SHTN1: variants seen among roughly 807,000 people sequenced by gnomAD.
SHTN1 encodes shootin-1.
In SHTN1, 42 loss-of-function variants were observed where a neutral mutation model predicts 83.1. The observed-to-expected ratio is 0.51, with a 90% CI of 0.39 to 0.65. The LOEUF is 0.65. Ranked by LOEUF, SHTN1 falls within the 30% of genes least tolerant of loss-of-function variation. The probability of loss-of-function intolerance (pLI) is 0.00; values close to 1 mark genes in which losing one functional copy is unlikely to be tolerated. For missense variants in SHTN1, 622 were observed against 737.8 expected (o/e 0.84, Z 1.82); for synonymous variants, 224 against 247.7 (o/e 0.90, Z 0.90).
At chr10:117,000,175 T>G (rs1212063929) in intron 1 of SHTN1, among the ~76,000 whole-genome samples, 3 of 152,186 alleles carry the variant, frequency 2.0e-5, no homozygotes, top group Non-Finnish European at 2.9e-5. Flanking sequence ...AGGCAACATT[T>G]AATTCCAAAC....
chr10:116,938,864 C>A (rs530679206), intron 9 of SHTN1, among the ~76,000 whole-genome samples: 1 of 152,302 alleles, frequency 6.6e-6, no homozygotes, highest in South Asian at 2.1e-4. Flanking sequence ...ATGCTTTGCC[C>A]AGAGAGGAGG....
chr10:116,917,922 C>G (rs1021750479), intron 12 of SHTN1, among the ~76,000 whole-genome samples: 1 of 152,174 alleles, frequency 6.6e-6, no homozygotes, highest in African/African-American at 2.4e-5. Context: ...ACAAGAGCAA[C>G]GCTAGGTTAG....
chr10:117,018,991 C>T (rs1014756526), intron 2 of SHTN1, among the ~76,000 whole-genome samples: 7 of 152,042 alleles, frequency 4.6e-5, no homozygotes, highest in African/African-American at 1.7e-4. Context: ...CCACAAGTGA[C>T]ATAATTATAC....
intron 5 of SHTN1, among the ~76,000 whole-genome samples, chr10:116,953,623 G>GTTTTTTTTTTTTT (rs759706275): frequency 1.4e-4 from 13 of 92,720 alleles, no homozygotes; most frequent in Non-Finnish European, 1.9e-4. Flanking sequence ...TTTGTGTTTT[G>GTTTTTTTTTTTTT]TTTTTTTTTT....
At position 116,921,325 on chromosome 10, in the gene SHTN1, C is replaced by G. The variant is rs1278325230; in HGVS notation, c.1195+109G>C. 21 of 726,460 alleles carry G rather than the reference C, an allele frequency of 2.9e-5. No homozygotes were observed. In the East Asian group the frequency reaches 4.6e-4, roughly 16 times the overall value. The allele number at this position is 726,460 out of a possible 1,614,324, so 45.0% of individuals were successfully genotyped here. A position where few individuals can be genotyped will look rare whatever the true frequency, so the allele number is the denominator to read the frequency against. ...TCATTCTTACAGCTGTTCAGTGCTT[C>G]ATACTACTCTCCCAACAACATGTTT... On this transcript the variant is annotated intron_variant, in intron 12 of 16. Transcript: ENST00000355371.
upstream of SHTN1, among the ~76,000 whole-genome samples, chr10:117,010,188 G>A (rs953978178): frequency 8.0e-5 from 2 of 25,134 alleles, no homozygotes; most frequent in Non-Finnish European, 1.4e-3. Context: ...CTAAATTAAC[G>A]AAGAAAAAAA....
intron 1 of SHTN1, among the ~76,000 whole-genome samples, chr10:117,112,679 G>A (rs1904301): frequency 1 from 152,244 of 152,308 alleles, 76,090 homozygotes; most frequent in Non-Finnish European, 1. Flanking sequence ...GTTTTCCTGC[G>A]TTCCAGCCTA....
chr10:117,076,182 CAAAAA>C (rs10595400), intron 1 of SHTN1, among the ~76,000 whole-genome samples: 4 of 99,430 alleles, frequency 4.0e-5, no homozygotes, highest in Admixed American at 1.1e-4. Context: ...GACCCTGTCT[CAAAAA>C]AAAAAAAAAA....
chr10:117,112,039 C>A (rs1044806834), intron 1 of SHTN1, among the ~76,000 whole-genome samples: 8 of 152,142 alleles, frequency 5.3e-5, no homozygotes, highest in African/African-American at 1.9e-4. Flanking sequence ...GCTCTCTGCT[C>A]ACTGCAACCT....
chr10:116,959,550 A>G (rs1427056553), intron 4 of SHTN1, among the ~76,000 whole-genome samples: 2 of 152,222 alleles, frequency 1.3e-5, no homozygotes, highest in African/African-American at 4.8e-5. Context: ...CCCAAAATAC[A>G]TAAGACAGAG....
intron 16 of SHTN1, chr10:116,901,443 G>A (rs184410796): frequency 6.9e-5 from 68 of 985,170 alleles, no homozygotes; most frequent in East Asian, 6.8e-4. Flanking sequence ...AGGGATGATC[G>A]ATGTATTTAA....
chr10:117,053,924 T>C (rs1417398782), intron 1 of SHTN1, among the ~76,000 whole-genome samples: 6 of 152,148 alleles, frequency 3.9e-5, no homozygotes, highest in Non-Finnish European at 1.5e-5. Context: ...AAAAGAAACA[T>C]AGTATGATAC....
At chr10:117,004,675 C>A (rs1437325191) in intron 1 of SHTN1, among the ~76,000 whole-genome samples, 1 of 152,100 alleles carries the variant, frequency 6.6e-6, no homozygotes, top group African/African-American at 2.4e-5. Flanking sequence ...AAATATCCTG[C>A]CCCACCCGCT....
intron 1 of SHTN1, among the ~76,000 whole-genome samples, chr10:117,090,756 AG>A: frequency 6.2e-4 from 1 of 1,616 alleles, no homozygotes; most frequent in African/African-American, 1.5e-3. Context: ...TGAAAACAGA[AG>A]GAAGGAAGGA....
At chr10:116,941,138 A>C (rs1329396659) in intron 8 of SHTN1, among the ~76,000 whole-genome samples, 1 of 152,220 alleles carries the variant, frequency 6.6e-6, no homozygotes, top group Non-Finnish European at 1.5e-5. Flanking sequence ...ACTGAGGCTC[A>C]AAGAAGTTAA....
intron 6 of SHTN1, among the ~76,000 whole-genome samples, chr10:116,949,571 A>G (rs961860223): frequency 2.0e-5 from 3 of 152,258 alleles, no homozygotes; most frequent in Admixed American, 6.5e-5. Flanking sequence ...TGTAAATGAC[A>G]AGTTAATGGG....
At chr10:116,937,428 T>A (rs1849215708) in intron 9 of SHTN1, among the ~76,000 whole-genome samples, 1 of 152,160 alleles carries the variant, frequency 6.6e-6, no homozygotes, top group African/African-American at 2.4e-5. Context: ...TGAAGCTTAG[T>A]TTGGCTGGAT....
At chr10:117,102,733 A>G (rs545264509) in intron 1 of SHTN1, among the ~76,000 whole-genome samples, 3 of 152,150 alleles carry the variant, frequency 2.0e-5, no homozygotes, top group Non-Finnish European at 4.4e-5. Flanking sequence ...TGCCAGTACC[A>G]TAATTACCCA....
chr10:116,952,211 A>G (rs893190062), intron 5 of SHTN1, among the ~76,000 whole-genome samples: 3 of 152,214 alleles, frequency 2.0e-5, no homozygotes, highest in African/African-American at 4.8e-5. Context: ...TAACAATTTT[A>G]TATCAGGCAA....
Sources: gnomAD v4.1 joint callset for allele counts (sites outside exome capture counted in the v4.1 genomes callset) on GRCh38, gnomAD v4.1.1 for gene constraint, MANE v1.5 for transcripts, NCBI Gene and HGNC (gene_info 2026-07-23, HGNC 2026-07-21) for gene names.